Variants in PCGF5 observed in about 807,000 individuals in gnomAD.
PCGF5 encodes polycomb group RING finger protein 5.
Under a neutral mutation model 44.3 loss-of-function variants are expected in PCGF5, and 9 were observed. The observed-to-expected ratio is 0.20, with a 90% CI of 0.12 to 0.35. PCGF5 has a LOEUF of 0.35. PCGF5 is among the 10% of genes least tolerant of loss of function. The pLI, the probability that PCGF5 is intolerant of heterozygous loss-of-function variation, is 1.00. For synonymous variants in PCGF5, 95 were observed against 102.5 expected, an observed-to-expected ratio of 0.93 and a Z score of 0.44; for missense variants, 146 against 305.3, an observed-to-expected ratio of 0.48 and a Z score of 3.89.
chr10:91,211,283 G>A (rs942923181), intron 1 of PCGF5, among the ~76,000 whole-genome samples: 2 of 152,182 alleles, frequency 1.3e-5, no homozygotes, highest in Admixed American at 6.5e-5. Flanking sequence ...TTAGCTGGGG[G>A]GATTAGTTGT....
At chr10:91,206,009 G>A (rs190680483) in intron 1 of PCGF5, among the ~76,000 whole-genome samples, 10 of 152,218 alleles carry the variant, frequency 6.6e-5, no homozygotes, top group Admixed American at 2.6e-4. Flanking sequence ...GTGACGGACC[G>A]CGACTCTGTC....
In PCGF5 at chr10:91,173,578, C is replaced by CTTTTTTTTTTTTTTT. The variant is rs59254639; in HGVS notation, c.-184+10500_-184+10514dup. On this transcript the variant is annotated intron_variant, in intron 1 of 9. Coordinates refer to the PCGF5 transcript ENST00000614189. ...TTATTCTTCTGCTAGAGGGAGTTGG[C>CTTTTTTTTTTTTTTT]TTTTTTTTTTTTTTTTTCCCACAGA... 2.9e-4 allele frequency among the ~76,000 whole-genome samples: 33 copies of CTTTTTTTTTTTTTTT among 115,612 alleles called. 4 individuals carry two copies. The highest frequency in any genetic ancestry group is 1.0e-3 in the African/African-American group (30 of 29,292). The allele number at this position is 115,612 out of a possible 152,430, so 75.8% of individuals were successfully genotyped here. A position where few individuals can be genotyped will look rare whatever the true frequency, so the allele number is the denominator to read the frequency against.
At position 91,280,716 on chromosome 10, in the gene PCGF5, C is replaced by T. The variant is rs1042851351; in HGVS notation, c.*2400C>T. On this transcript the variant is annotated 3_prime_UTR_variant, in exon 10 of 10. Transcript: ENST00000336126. ...CTACAGCTTTCTAAGGATAGGACTACTTTCATGTCTAGTAATACACTGTAT... is the reference window on the plus strand; with the variant it reads ...CTACAGCTTTCTAAGGATAGGACTATTTTCATGTCTAGTAATACACTGTAT... 5.3e-5 allele frequency: 8 copies of T among 152,332 alleles called. No homozygotes were observed. The highest frequency in any genetic ancestry group is 1.7e-4 in the African/African-American group (7 of 41,440). 9.4% of individuals were successfully genotyped at this position (152,332 alleles called of 1,614,324 possible).
At chr10:91,252,920 T>G (rs1445182310) in intron 6 of PCGF5, among the ~76,000 whole-genome samples, 1 of 152,090 alleles carries the variant, frequency 6.6e-6, no homozygotes, top group Non-Finnish European at 1.5e-5. Flanking sequence ...TTTGACACTT[T>G]GCTATTCTAG....
chr10:91,202,454 C>A (rs1410200180), intron 1 of PCGF5, among the ~76,000 whole-genome samples: 1 of 152,148 alleles, frequency 6.6e-6, no homozygotes. Flanking sequence ...GCAAATAATA[C>A]AAAGTAGTTA....
intron 7 of PCGF5, among the ~76,000 whole-genome samples, chr10:91,262,287 G>C (rs1845935530): frequency 6.6e-6 from 1 of 152,080 alleles, no homozygotes. Context: ...TTAGCCGGGT[G>C]TGGTGGCAGG....
intron 1 of PCGF5, among the ~76,000 whole-genome samples, chr10:91,204,324 G>T (rs959874740): frequency 1.8e-5 from 2 of 113,062 alleles, no homozygotes; most frequent in African/African-American, 5.0e-5. Context: ...TCTGAATTAA[G>T]GTTTTCATTT....
chr10:91,256,135 A>G (rs376233227), intron 6 of PCGF5, among the ~76,000 whole-genome samples: 30 of 152,126 alleles, frequency 2.0e-4, no homozygotes, highest in African/African-American at 4.6e-4. Context: ...GAGGAAGCCC[A>G]GACATTGTAC....
intron 1 of PCGF5, among the ~76,000 whole-genome samples, chr10:91,186,336 A>G (rs1489557185): frequency 6.6e-6 from 1 of 152,118 alleles, no homozygotes; most frequent in Non-Finnish European, 1.5e-5. Context: ...ATAGCTCACT[A>G]GTTGTCTATG....
chr10:91,227,447 A>G, intron 2 of PCGF5: 1 of 1,289,288 alleles, frequency 7.8e-7, no homozygotes, highest in Non-Finnish European at 1.0e-6. Context: ...AGCAAGAAAT[A>G]TGCTCCATGC....
At position 91,278,307 on chromosome 10, in the gene PCGF5, T is replaced by C. The variant is rs367608907; in HGVS notation, c.762T>C (p.Asp254=). ...PMVLQYRPRI[D]FG Reference sequence around the variant, plus strand: ...TACTGCAGTATCGACCAAGAATTGATTTCGGTTAGACCAAGGGGCCCAGAC... The same window carrying C: ...TACTGCAGTATCGACCAAGAATTGACTTCGGTTAGACCAAGGGGCCCAGAC... The change falls in exon 10 of 10, where the codon GAT becomes GAC. Residue 254 remains aspartate, a synonymous_variant. Transcript: ENST00000336126. 1.1e-5 allele frequency: 17 copies of C among 1,611,890 alleles called. No homozygotes were observed. The highest frequency in any genetic ancestry group is 1.4e-5 in the Non-Finnish European group (17 of 1,178,080).
intron 8 of PCGF5, among the ~76,000 whole-genome samples, chr10:91,266,534 T>G (rs1179281783): frequency 6.6e-6 from 1 of 152,216 alleles, no homozygotes; most frequent in Non-Finnish European, 1.5e-5. Context: ...TGGTTTATCA[T>G]TCAGGTGGAA....
chr10:91,257,688 A>T (rs1331678670), intron 6 of PCGF5, among the ~76,000 whole-genome samples: 1 of 152,134 alleles, frequency 6.6e-6, no homozygotes, highest in East Asian at 1.9e-4. Flanking sequence ...GCAGAATTGT[A>T]TGCAGCTTAA....
chr10:91,251,681 C>T (rs1322777278), intron 6 of PCGF5, among the ~76,000 whole-genome samples: 1 of 151,970 alleles, frequency 6.6e-6, no homozygotes, highest in African/African-American at 2.4e-5. Context: ...CTCTGTTTCT[C>T]CTTTTATACC....
At chr10:91,173,991 T>C (rs1299043015) in intron 1 of PCGF5, among the ~76,000 whole-genome samples, 2 of 151,908 alleles carry the variant, frequency 1.3e-5, no homozygotes, top group African/African-American at 4.8e-5. Flanking sequence ...AAGATCTTCT[T>C]GGAAAATGCT....
chr10:91,219,618 A>G (rs1158454479), upstream of PCGF5, among the ~76,000 whole-genome samples: 1 of 152,190 alleles, frequency 6.6e-6, no homozygotes, highest in African/African-American at 2.4e-5. Flanking sequence ...GGACATTGGC[A>G]TGTATGATTT....
At chr10:91,163,130 C>T (rs976783240) in intron 1 of PCGF5, 5 of 149,874 alleles carry the variant, frequency 3.3e-5, no homozygotes, top group Non-Finnish European at 5.9e-5. Context: ...CCGACGCGGC[C>T]CAGGGAAGTT....
intron 7 of PCGF5, among the ~76,000 whole-genome samples, chr10:91,262,586 G>A (rs1037624513): frequency 2.0e-5 from 3 of 152,156 alleles, no homozygotes; most frequent in East Asian, 1.9e-4. Context: ...GACATTGATA[G>A]GTATTATGTC....
At position 91,282,198 on chromosome 10, in the gene PCGF5, C is replaced by T. The variant is rs2133489154; in HGVS notation, c.*3882C>T. ...TGGTTTTTTTCCCCTTAAAAAGCAA[C>T]TCTAGGCCGGGCACAGTGGCTCATG... On this transcript the variant is annotated 3_prime_UTR_variant, in exon 10 of 10. Transcript: ENST00000336126. 6.6e-6 allele frequency: 1 copy of T among 152,200 alleles called. No individual in the cohort carries two copies. The highest frequency in any genetic ancestry group is 3.4e-3 in the Middle Eastern group (1 of 294). The allele number at this position is 152,200 out of a possible 1,614,324, so 9.4% of individuals were successfully genotyped here.
Sources: gnomAD v4.1 joint callset for allele counts (sites outside exome capture counted in the v4.1 genomes callset) on GRCh38, gnomAD v4.1.1 for gene constraint, MANE v1.5 for transcripts, NCBI Gene and HGNC (gene_info 2026-07-23, HGNC 2026-07-21) for gene names.